Variants in ELAVL2 observed in about 807,000 individuals in gnomAD.
ELAVL2 encodes ELAV-like protein 2.
In ELAVL2, 4 loss-of-function variants were observed where a neutral mutation model predicts 34.6. That is an observed-to-expected ratio of 0.12 (90% CI 0.06 to 0.26). The LOEUF (loss-of-function observed/expected upper bound fraction) is 0.26, where lower values mean the gene tolerates loss of function less well. ELAVL2 is among the 10% of genes least tolerant of loss of function. The pLI, the probability that ELAVL2 is intolerant of heterozygous loss-of-function variation, is 1.00. For synonymous variants in ELAVL2, 193 were observed against 154.8 expected, an observed-to-expected ratio of 1.25 and a Z score of -1.83; for missense variants, 432 against 442.8, an observed-to-expected ratio of 0.98 and a Z score of 0.22.
At chr9:23,791,997 T>A (rs1044907141) in intron 1 of ELAVL2, among the ~76,000 whole-genome samples, 1 of 152,184 alleles carries the variant, frequency 6.6e-6, no homozygotes, top group Non-Finnish European at 1.5e-5. Flanking sequence ...AGTCCCCAAC[T>A]TACATGGTTT....
chr9:23,841,155 A>G, the ELAVL2 span, among the ~76,000 whole-genome samples: 5 of 152,104 alleles, frequency 3.3e-5, no homozygotes, highest in East Asian at 5.8e-4. Context: ...GGTATTAGCA[A>G]TGTCAGTAGA....
intron 3 of ELAVL2, among the ~76,000 whole-genome samples, chr9:23,721,336 T>A (rs1027524922): frequency 4.1e-4 from 63 of 152,226 alleles, no homozygotes; most frequent in Admixed American, 4.0e-3. Context: ...TCTAGGAATA[T>A]GAATATGGTT....
At position 23,705,033 on chromosome 9, in the gene ELAVL2, A is replaced by C; in HGVS notation, c.372T>G (p.Asp124Glu). 6.2e-7 allele frequency: 1 copy of C among 1,614,164 alleles called. No individual in the cohort carries two copies. Among genetic ancestry groups the C allele is most frequent in the Non-Finnish European group, 8.5e-7 (1 of 1,180,006 alleles). Residue 124 changes from aspartate to glutamate, a missense_variant, in exon 4 of 7, where the codon GAT becomes GAG. Around this residue, in one of 3 missense-constraint regions of ELAVL2, gnomAD observed 295 missense variants for 306.1 expected, o/e 0.96. Coordinates refer to ENST00000397312, the MANE Select transcript of ELAVL2 (RefSeq NM_004432.5). ...GAAGTCCGCTGACATATAAATTTGC[A>C]TCTCTGATAGAAGCTGAACTTGGGC... is the stretch of plus-strand genomic sequence containing the variant. ...YARPSSASIR[D>E]ANLYVSGLPK...
At chr9:23,796,295 T>C (rs2137434064) in intron 1 of ELAVL2, among the ~76,000 whole-genome samples, 1 of 152,352 alleles carries the variant, frequency 6.6e-6, no homozygotes, top group East Asian at 1.9e-4. Flanking sequence ...AAGCTCTTAC[T>C]TCTAATAACC....
chr9:23,738,118 G>T (rs2048322966), intron 2 of ELAVL2, among the ~76,000 whole-genome samples: 1 of 152,136 alleles, frequency 6.6e-6, no homozygotes, highest in South Asian at 2.1e-4. Context: ...TGTCTGTTCA[G>T]ACAGGCTGTG....
chr9:23,802,114 T>C (rs188758627), intron 1 of ELAVL2, among the ~76,000 whole-genome samples: 161 of 152,278 alleles, frequency 1.1e-3, no homozygotes, highest in African/African-American at 3.4e-3. Context: ...AATGTCTACT[T>C]GAGCAACAAA....
chr9:23,701,871 G>C (rs1433209290), intron 4 of ELAVL2, among the ~76,000 whole-genome samples: 1 of 151,970 alleles, frequency 6.6e-6, no homozygotes, highest in Non-Finnish European at 1.5e-5. Context: ...GCTAAGACAA[G>C]AAAACACAAG....
intron 1 of ELAVL2, among the ~76,000 whole-genome samples, chr9:23,778,142 G>A (rs376662041): frequency 6.6e-6 from 1 of 152,110 alleles, no homozygotes; most frequent in African/African-American, 2.4e-5. Flanking sequence ...GGCAGAATCC[G>A]AGGGCCAGCT....
At chr9:23,720,902 A>C (rs959796177) in intron 3 of ELAVL2, among the ~76,000 whole-genome samples, 10 of 152,166 alleles carry the variant, frequency 6.6e-5, no homozygotes, top group African/African-American at 2.4e-4. Context: ...AGATTCAGTA[A>C]GTCCTGGTTG....
intron 3 of ELAVL2, among the ~76,000 whole-genome samples, chr9:23,723,719 T>C (rs544151557): frequency 8.8e-4 from 134 of 152,308 alleles, no homozygotes; most frequent in African/African-American, 3.1e-3. Context: ...CATGGTTTGC[T>C]TGAATCTCTT....
chr9:23,768,177 G>A (rs1026639835), intron 1 of ELAVL2, among the ~76,000 whole-genome samples: 3 of 152,300 alleles, frequency 2.0e-5, no homozygotes, highest in Admixed American at 6.5e-5. Context: ...CAGAAATCCT[G>A]TACAACTACT....
At position 23,781,182 on chromosome 9, in the gene ELAVL2, A is replaced by C. The variant is rs1460273574; in HGVS notation, c.-15-18933T>G. Among the ~76,000 whole-genome samples the C allele has an allele frequency of 5.3e-5, 8 of 152,350 alleles. No individual in the cohort carries two copies. The East Asian group carries it at 1.5e-3, about 29-fold the overall frequency. ...CAGATAAAAGAATGGCTTATAAAAA[A>C]TTTCAGGCACTATACAAAGTAGGGT... On this transcript the variant is annotated intron_variant, in intron 1 of 6. Coordinates refer to ENST00000397312, the MANE Select transcript of ELAVL2 (RefSeq NM_004432.5).
intron 2 of ELAVL2, among the ~76,000 whole-genome samples, chr9:23,758,436 G>C (rs928612991): frequency 5.3e-5 from 8 of 152,100 alleles, no homozygotes; most frequent in African/African-American, 1.9e-4. Flanking sequence ...AAATGAGTGA[G>C]ATCCTTCTAA....
chr9:23,765,127 A>G (rs2055936952), intron 1 of ELAVL2: 4 of 1,567,392 alleles, frequency 2.6e-6, no homozygotes, highest in Non-Finnish European at 3.4e-6. Flanking sequence ...AAAGTACCGT[A>G]TGTTAGATGA....
At chr9:23,705,440 T>C (rs540457305) in intron 3 of ELAVL2, among the ~76,000 whole-genome samples, 10 of 152,358 alleles carry the variant, frequency 6.6e-5, no homozygotes, top group Admixed American at 3.9e-4. Flanking sequence ...TTATCATTTG[T>C]ACCCACCTTT....
At chr9:23,705,410 TCAA>T (rs2038982938) in intron 3 of ELAVL2, among the ~76,000 whole-genome samples, 1 of 152,252 alleles carries the variant, frequency 6.6e-6, no homozygotes, top group South Asian at 2.1e-4. Context: ...GTATAGTGAT[TCAA>T]CAACTGCCTG....
At chr9:23,846,246 T>C in the ELAVL2 span, among the ~76,000 whole-genome samples, 54 of 152,050 alleles carry the variant, frequency 3.6e-4, no homozygotes, top group Middle Eastern at 3.4e-3. Flanking sequence ...CTTACAGGTT[T>C]CTTTAGTTCA....
intron 2 of ELAVL2, among the ~76,000 whole-genome samples, chr9:23,754,709 T>C (rs1394095982): frequency 6.6e-6 from 1 of 152,164 alleles, no homozygotes; most frequent in Non-Finnish European, 1.5e-5. Context: ...GTGATTCGCC[T>C]GCATTGGCCT....
At chr9:23,808,454 G>A (rs1295429243) in intron 1 of ELAVL2, among the ~76,000 whole-genome samples, 1 of 152,022 alleles carries the variant, frequency 6.6e-6, no homozygotes, top group Non-Finnish European at 1.5e-5. Flanking sequence ...ACCAAGAAAT[G>A]TTCACATGTA....
Sources: allele counts gnomAD v4.1 joint callset (sites outside exome capture counted in the v4.1 genomes callset), GRCh38; gene constraint gnomAD v4.1.1; regional missense constraint gnomAD v4.1.1; transcripts MANE v1.5; gene names NCBI Gene and HGNC (gene_info 2026-07-23, HGNC 2026-07-21).